STAT6: variants seen among roughly 807,000 people sequenced by gnomAD.
STAT6 encodes the protein signal transducer and activator of transcription 6.
A neutral mutation model predicts 106.3 loss-of-function variants in STAT6; 45 were observed. The observed-to-expected ratio is 0.42, with a 90% CI of 0.33 to 0.54. STAT6 has a LOEUF of 0.54. Among genes scored for constraint, STAT6 ranks in the 20% least tolerant of loss-of-function variants. STAT6 has a pLI of 0.06. For synonymous variants in STAT6, 413 were observed against 413.6 expected, an observed-to-expected ratio of 1.00 and a Z score of 0.02; for missense variants, 797 against 1,062.2, an observed-to-expected ratio of 0.75 and a Z score of 3.47.
intron 1 of STAT6, among the ~76,000 whole-genome samples, chr12:57,109,354 C>T (rs577726739): frequency 2.6e-5 from 4 of 152,256 alleles, no homozygotes; most frequent in East Asian, 1.9e-4. Context: ...TCAGGCCTCA[C>T]GACACTTTTT....
At position 57,108,206 on chromosome 12, in the gene STAT6, G is replaced by A. The variant is rs773786402; in HGVS notation, c.73C>T (p.His25Tyr). 4.3e-6 allele frequency: 7 copies of A among 1,613,022 alleles called. No individual in the cohort carries two copies. The East Asian group carries it at 1.6e-4, about 36-fold the overall frequency. Reference protein sequence around the residue: ...VQRLYVDFPQHLRHLLGDWLE... With the variant: ...VQRLYVDFPQYLRHLLGDWLE... Reference sequence around the variant, plus strand: ...CAGTCACCCAGAAGATGCCGCAGGTGTTGGGGAAAGTCGACATAGAGCCGC... The same window carrying A: ...CAGTCACCCAGAAGATGCCGCAGGTATTGGGGAAAGTCGACATAGAGCCGC... The change falls in exon 2 of 22, where the codon CAC (histidine) becomes TAC (tyrosine). Residue 25 changes from histidine to tyrosine, a missense_variant. His to Tyr is a moderately conservative substitution (Grantham distance 83). Coordinates refer to ENST00000300134, the MANE Select transcript of STAT6 (RefSeq NM_003153.5).
chr12:57,102,575 T>A lies in STAT6; in HGVS notation c.1306-79A>T, dbSNP rs1346776647. 4.1e-6 allele frequency: 6 copies of A among 1,460,782 alleles called. No individual in the cohort carries two copies. In the African/African-American group the frequency reaches 8.4e-5, roughly 20 times the overall value. The allele number at this position is 1,460,782 out of a possible 1,614,324, so 90.5% of individuals were successfully genotyped here. On this transcript the variant is annotated intron_variant, in intron 12 of 21. Coordinates refer to ENST00000300134, the MANE Select transcript of STAT6 (RefSeq NM_003153.5). ...CGGGCCGGCCTTCATCCCTCCCACC[T>A]GCCTGTGGCCTACCCCTCCACAGCC...
Position 57,107,245 on chromosome 12 carries a change from C to T in STAT6, c.325G>A (p.Ala109Thr), listed in dbSNP as rs747992913. The change falls in exon 4 of 22, where the codon GCT (alanine) becomes ACT (threonine). Residue 109 changes from alanine to threonine, a missense_variant. By Grantham distance (58) the Ala-to-Thr change is moderately conservative. Around this residue, in one of 4 missense-constraint regions of STAT6, gnomAD observed 336 missense variants for 429.8 expected, o/e 0.78. Coordinates refer to ENST00000300134, the MANE Select transcript of STAT6 (RefSeq NM_003153.5). ...TATCACAATACCTGTTCCATAACAG[C>T]TTTTTTCTCTCCTTGAAGTATTTGT... is the stretch of plus-strand genomic sequence containing the variant. ...FRQILQGEKK[A>T]VMEQFRHLPM... 5 of 1,614,048 alleles carry T rather than the reference C, an allele frequency of 3.1e-6. No homozygotes were observed. In the East Asian group the frequency reaches 1.1e-4, roughly 36 times the overall value.
chr12:57,108,454 A>G lies in STAT6; in HGVS notation c.-21-155T>C, dbSNP rs900981832. On this transcript the variant is annotated intron_variant, in intron 1 of 21. Coordinates refer to ENST00000300134, the MANE Select transcript of STAT6 (RefSeq NM_003153.5). The stretch of plus-strand genomic sequence containing the variant: ...CTTAAACCAGGGGCATCCTGAGTCA[A>G]TGCCTGAGATGGGGGTAACTCCTTC... Among the ~76,000 whole-genome samples the G allele has an allele frequency of 3.3e-5, 5 of 152,232 alleles. No homozygotes were observed. In the East Asian group the frequency reaches 5.8e-4, roughly 18 times the overall value.
rs1324875735 is a variant in STAT6, at chr12:57,096,690, C to T, written c.2426G>A (p.Gly809Glu). Reference protein sequence around the residue: ...EQDLTKLLLEGQGESGGGSLG... With the variant: ...EQDLTKLLLEEQGESGGGSLG... ...GGACCCTCCCCCCGACTCCCCTTGC[C>T]CCTCCAGGAGAAGCTTAGTGAGGTC... Residue 809 changes from glycine to glutamate, a missense_variant, in exon 22 of 22, where the codon GGG (glycine) becomes GAG (glutamate). Gly to Glu is a moderately conservative substitution (Grantham distance 98). Transcript: ENST00000300134. The T allele has an allele frequency of 1.9e-6, 3 of 1,609,148 alleles. No homozygotes were observed. Among genetic ancestry groups the T allele is most frequent in the Non-Finnish European group, 2.5e-6 (3 of 1,178,524 alleles).
In STAT6 at chr12:57,105,034, G is replaced by T. The variant is rs2034183333; in HGVS notation, c.1001+117C>A. ...CTTTCCTCTGCCTTGACCATTCAGG[G>T]TCTCCACATCCCATGGCCCTCCCTC... On this transcript the variant is annotated intron_variant, in intron 9 of 21. Transcript: ENST00000300134. 4 of 1,336,132 alleles carry T rather than the reference G, an allele frequency of 3.0e-6. No homozygotes were observed. In the Admixed American group the frequency reaches 6.6e-5, roughly 22 times the overall value. The allele number at this position is 1,336,132 out of a possible 1,614,324, so 82.8% of individuals were successfully genotyped here.
At chr12:57,100,567 A>G (rs575433726) in intron 13 of STAT6, among the ~76,000 whole-genome samples, 1 of 152,074 alleles carries the variant, frequency 6.6e-6, no homozygotes, top group East Asian at 1.9e-4. Context: ...CCCTCTGGTC[A>G]CATGAGCATT....
intron 1 of STAT6, chr12:57,110,240 A>G (rs1415407440): frequency 6.6e-6 from 1 of 152,306 alleles, no homozygotes; most frequent in East Asian, 1.9e-4. Context: ...CCCAGCCATC[A>G]GGAGGACACA....
Position 57,099,484 on chromosome 12 carries a change from C to T in STAT6, c.1745-44G>A, listed in dbSNP as rs779087356. The T allele has an allele frequency of 6.2e-7, 1 of 1,612,498 alleles. No homozygotes were observed. Among genetic ancestry groups the T allele is most frequent in the East Asian group, 2.2e-5 (1 of 44,862 alleles). Reference sequence around the variant, plus strand: ...CCTGAGATCCCTCTGTCCGGACTTTCTTCCCCTTCCCCAACCCCTACCATA... The same window carrying T: ...CCTGAGATCCCTCTGTCCGGACTTTTTTCCCCTTCCCCAACCCCTACCATA... On this transcript the variant is annotated intron_variant, in intron 15 of 21. Coordinates refer to ENST00000300134, the MANE Select transcript of STAT6 (RefSeq NM_003153.5). This position sits in a 1 kb window ranked among gnomAD's most constrained non-coding sequence, Gnocchi z 4.7.
intron 1 of STAT6, among the ~76,000 whole-genome samples, chr12:57,109,550 A>G (rs1308838286): frequency 6.6e-6 from 1 of 151,934 alleles, no homozygotes; most frequent in Non-Finnish European, 1.5e-5. Context: ...GAAGTGGGGG[A>G]AGGTGGGAGG....
At position 57,099,932 on chromosome 12, in the gene STAT6, A is replaced by G; in HGVS notation, c.1608-29T>C. On this transcript the variant is annotated intron_variant, in intron 14 of 21. Coordinates refer to ENST00000300134, the MANE Select transcript of STAT6 (RefSeq NM_003153.5). This position sits in a 1 kb window ranked among gnomAD's most constrained non-coding sequence, Gnocchi z 4.7. Reference sequence around the variant, plus strand: ...GCCGGGATGAAGGAGAGGATGGGGCATGGGCAGTGAGTATGGAGGTGACTG... The same window carrying G: ...GCCGGGATGAAGGAGAGGATGGGGCGTGGGCAGTGAGTATGGAGGTGACTG... 1 of 1,614,242 alleles carries G rather than the reference A, an allele frequency of 6.2e-7. No homozygotes were observed. Among genetic ancestry groups the G allele is most frequent in the Non-Finnish European group, 8.5e-7 (1 of 1,180,030 alleles).
Position 57,098,161 on chromosome 12 carries a change from G to C in STAT6, c.2159+344C>G, listed in dbSNP as rs577004457. On this transcript the variant is annotated intron_variant, in intron 19 of 21. Coordinates refer to ENST00000300134, the MANE Select transcript of STAT6 (RefSeq NM_003153.5). ...CCACGACTGGACTTACACAGCTTTTGCTATGAGCCATGCACTATGCTCAGC... is the reference window on the plus strand; with the variant it reads ...CCACGACTGGACTTACACAGCTTTTCCTATGAGCCATGCACTATGCTCAGC... 2.6e-5 allele frequency among the ~76,000 whole-genome samples: 4 copies of C among 152,276 alleles called. No individual in the cohort carries two copies. The East Asian group carries it at 7.7e-4, about 29-fold the overall frequency.
chr12:57,096,589 C>T lies in STAT6; in HGVS notation c.2527G>A (p.Ala843Thr), dbSNP rs1332908711. 2.5e-6 allele frequency: 4 copies of T among 1,599,326 alleles called. No individual in the cohort carries two copies. Among genetic ancestry groups the T allele is most frequent in the Non-Finnish European group, 3.4e-6 (4 of 1,174,686 alleles). ...GISMSHMDLR[A>T]NPSW ...AGCTGGGATCACCAACTGGGGTTGG[C>T]CCTTAGGTCCATGTGGGACATTGAG... Residue 843 changes from alanine (A) to threonine (T), a missense_variant, in exon 22 of 22, where the codon GCC (alanine) becomes ACC (threonine). Physicochemically the swap from Ala to Thr is moderately conservative, Grantham distance 58. This residue lies in a region of STAT6 where 226 missense variants were observed against 236.7 expected (regional missense o/e 0.95). Coordinates refer to ENST00000300134, the MANE Select transcript of STAT6 (RefSeq NM_003153.5).
intron 12 of STAT6, 26 bp from the exon 13 acceptor site, chr12:57,102,522 C>T (rs773343155): frequency 3.7e-6 from 6 of 1,610,178 alleles, no homozygotes; most frequent in Admixed American, 1.7e-5. Context: ...AAGAAGAGAG[C>T]ACTGCAGGCT....
At position 57,105,470 on chromosome 12, in the gene STAT6, G is replaced by A; in HGVS notation, c.810C>T (p.Thr270=). The A allele has an allele frequency of 6.2e-7, 1 of 1,614,012 alleles. No homozygotes were observed. Among genetic ancestry groups the A allele is most frequent in the East Asian group, 2.2e-5 (1 of 44,882 alleles). ...RLDEVLRTLV[T]SCFLVEKQPP... ...GACTGGGAGCTCCCGGGGAATACCT[G>A]GTGACGAGGGTTCTCAGGACTTCAT... The change falls in exon 8 of 22, where the codon ACC becomes ACT. Residue 270 remains threonine (T), a splice_region_variant and synonymous_variant. Transcript: ENST00000300134.
intron 11 of STAT6, 129 bp from the exon 12 acceptor site, chr12:57,103,050 C>A: frequency 1.6e-6 from 1 of 639,086 alleles, no homozygotes; most frequent in Non-Finnish European, 2.4e-6. Flanking sequence ...GGCTGGAGTG[C>A]AGTAGTGCAA....
rs1014836394 is a variant in STAT6, at chr12:57,098,655, C to G, written c.2067-58G>C. On this transcript the variant is annotated intron_variant, in intron 18 of 21. Coordinates refer to ENST00000300134, the MANE Select transcript of STAT6 (RefSeq NM_003153.5). ...CCCTTCTCCTGGACACCACCACACC[C>G]TGCTTTTGAACAGGTGTCCCTCTCA... is the stretch of plus-strand genomic sequence containing the variant. 12 of 1,585,256 alleles carry G rather than the reference C, an allele frequency of 7.6e-6. No individual in the cohort carries two copies. In the African/African-American group the frequency reaches 1.5e-4, roughly 20 times the overall value.
chr12:57,099,819 G>A lies in STAT6; in HGVS notation c.1692C>T (p.Ser564=), dbSNP rs35182390. 7,327 of 1,614,198 alleles carry A rather than the reference G, an allele frequency of 4.5e-3. 40 individuals carry two copies. Among genetic ancestry groups the A allele is most frequent in the East Asian group, 8.3e-3 (372 of 44,894 alleles). ...EPDGTFLLRF[S]DSEIGGITIA... ...TGGTGATGCCCCCAATCTCTGAGTC[G>A]CTGAAGCGGAGGAGAAAGGTTCCGT... Residue 564 remains serine, a synonymous_variant, in exon 15 of 22, where the codon AGC becomes AGT. Coordinates refer to ENST00000300134, the MANE Select transcript of STAT6 (RefSeq NM_003153.5). The surrounding 1 kb of genome is among the most constrained non-coding windows in gnomAD (Gnocchi z 4.7).
chr12:57,104,653 C>G, intron 10 of STAT6, 67 bp from the exon 11 acceptor site: 1 of 1,612,736 alleles, frequency 6.2e-7, no homozygotes, highest in Non-Finnish European at 8.5e-7. Context: ...CCTGGGCTTC[C>G]TGACATCCTC....
Sources: allele counts gnomAD v4.1 joint callset (sites outside exome capture counted in the v4.1 genomes callset), GRCh38; gene constraint gnomAD v4.1.1; regional missense constraint gnomAD v4.1.1; non-coding constraint Gnocchi (gnomAD v3.1); transcripts MANE v1.5; gene names NCBI Gene and HGNC (gene_info 2026-07-23, HGNC 2026-07-21).